SUCLG2: variants seen among roughly 807,000 people sequenced by gnomAD.
The protein encoded by SUCLG2 is succinate--CoA ligase [GDP-forming] subunit beta, mitochondrial.
Under a neutral mutation model 47.9 loss-of-function variants are expected in SUCLG2, and 42 were observed. The observed-to-expected ratio is 0.88, with a 90% CI of 0.69 to 1.14. The LOEUF (loss-of-function observed/expected upper bound fraction) is 1.14. SUCLG2 is among the 50% of genes most tolerant of loss of function. The pLI is 0.00. For synonymous variants in SUCLG2, 195 were observed against 197.3 expected (o/e 0.99, Z 0.10); for missense variants, 571 against 525.9 (o/e 1.09, Z -0.84).
chr3:67,393,422 G>A (rs1387990696), intron 10 of SUCLG2, among the ~76,000 whole-genome samples: 4 of 152,208 alleles, frequency 2.6e-5, no homozygotes, highest in Non-Finnish European at 5.9e-5. Context: ...CTGATTGCTA[G>A]CACAGCAGTC....
At chr3:67,604,166 T>C (rs557584339) in intron 2 of SUCLG2, among the ~76,000 whole-genome samples, 10 of 151,980 alleles carry the variant, frequency 6.6e-5, no homozygotes, top group Non-Finnish European at 1.2e-4. Context: ...ACAAAATGTA[T>C]GCATTACCCA....
intron 2 of SUCLG2, among the ~76,000 whole-genome samples, chr3:67,587,552 G>A (rs1258808223): frequency 1.3e-5 from 2 of 152,210 alleles, no homozygotes; most frequent in Non-Finnish European, 2.9e-5. Context: ...ATGCCAGAAG[G>A]ACCCTAGGAA....
At chr3:67,593,987 G>A (rs982961765) in intron 2 of SUCLG2, among the ~76,000 whole-genome samples, 6 of 152,190 alleles carry the variant, frequency 3.9e-5, no homozygotes, top group African/African-American at 1.4e-4. Context: ...CATACTTGCA[G>A]TTGGGCTTGC....
rs181600806 is a variant in SUCLG2, at chr3:67,408,815, T to C, written c.1063-7964A>G. 286 of 1,396,010 alleles carry C rather than the reference T, an allele frequency of 2.0e-4. 1 individual carries two copies. In the East Asian group the frequency reaches 5.7e-3, roughly 28 times the overall value. 86.5% of individuals were successfully genotyped at this position (1,396,010 alleles called of 1,614,324 possible). On this transcript the variant is annotated intron_variant, in intron 9 of 10. Transcript: ENST00000307227. ...TAAATAAACTCAATGAGCTTAAACA[T>C]CACACAGCAGTAGGCAATGGTGTCA... is the stretch of plus-strand genomic sequence containing the variant.
chr3:67,594,144 A>G (rs1708241042), intron 2 of SUCLG2, among the ~76,000 whole-genome samples: 1 of 152,188 alleles, frequency 6.6e-6, no homozygotes, highest in Non-Finnish European at 1.5e-5. Flanking sequence ...ACCCACTAAT[A>G]TGCAGACACT....
Position 67,568,031 on chromosome 3 carries a change from G to GA in SUCLG2, c.227-38846dup, listed in dbSNP as rs138745124. On this transcript the variant is annotated intron_variant, in intron 2 of 10. Coordinates refer to ENST00000307227, the MANE Select transcript of SUCLG2 (RefSeq NM_003848.4). Reference sequence around the variant, plus strand: ...CAAATTAAATTCCACCAAAATGTAAGAACAAGGGCATCGTGGTGACCAGTC... The same window carrying GA: ...CAAATTAAATTCCACCAAAATGTAAGAAACAAGGGCATCGTGGTGACCAGTC... Among the ~76,000 whole-genome samples, 226 of 152,310 alleles carry GA rather than the reference G, an allele frequency of 1.5e-3. 2 individuals are homozygous for GA. The highest frequency in any genetic ancestry group is 5.1e-3 in the African/African-American group (211 of 41,566).
At chr3:67,500,753 A>C (rs897361864) in intron 7 of SUCLG2, among the ~76,000 whole-genome samples, 1 of 152,210 alleles carries the variant, frequency 6.6e-6, no homozygotes, top group African/African-American at 2.4e-5. Flanking sequence ...TATAACTGAC[A>C]CCTTCAAAAT....
chr3:67,488,364 G>A (rs1277979514), intron 9 of SUCLG2, among the ~76,000 whole-genome samples: 1 of 152,050 alleles, frequency 6.6e-6, no homozygotes, highest in African/African-American at 2.4e-5. Context: ...GACAGTGGGT[G>A]GGGCAGCATG....
chr3:67,450,062 G>A (rs1704020160), intron 9 of SUCLG2, among the ~76,000 whole-genome samples: 1 of 151,852 alleles, frequency 6.6e-6, no homozygotes, highest in Non-Finnish European at 1.5e-5. Flanking sequence ...TTAATTTAGA[G>A]ACAGGGTCTT....
At chr3:67,377,401 C>T (rs1432064292) in intron 10 of SUCLG2, among the ~76,000 whole-genome samples, 2 of 152,188 alleles carry the variant, frequency 1.3e-5, no homozygotes, top group Non-Finnish European at 2.9e-5. Flanking sequence ...GCTGGCTTTG[C>T]ACCACAGACT....
At chr3:67,650,192 A>C (rs1239608731) in intron 1 of SUCLG2, among the ~76,000 whole-genome samples, 1 of 152,270 alleles carries the variant, frequency 6.6e-6, no homozygotes, top group African/African-American at 2.4e-5. Context: ...AGGGAGATAC[A>C]GGTAAGTCAC....
intron 2 of SUCLG2, among the ~76,000 whole-genome samples, chr3:67,578,248 CATATATAAAAAAATTTTAT>C (rs145555725): frequency 1.5e-5 from 2 of 136,542 alleles, no homozygotes; most frequent in East Asian, 4.0e-4. Context: ...TTACATATAT[CATATATAAAAAAATTTTAT>C]ATATATAAAA....
At chr3:67,541,921 T>A (rs983484408) in intron 2 of SUCLG2, among the ~76,000 whole-genome samples, 1 of 150,986 alleles carries the variant, frequency 6.6e-6, no homozygotes, top group Non-Finnish European at 1.5e-5. Flanking sequence ...CAGGCTGGAG[T>A]GCAATGGTAC....
chr3:67,506,720 G>T (rs1705647673), intron 7 of SUCLG2, among the ~76,000 whole-genome samples: 1 of 152,224 alleles, frequency 6.6e-6, no homozygotes. Context: ...CAGGCTGCTT[G>T]TGTATACTAG....
chr3:67,408,390 C>G (rs7624331), intron 9 of SUCLG2, among the ~76,000 whole-genome samples: 2,923 of 152,228 alleles, frequency 0.019, 93 homozygotes, highest in African/African-American at 0.066. Flanking sequence ...ATCTCAGAAT[C>G]AAAAGGAAAT....
intron 9 of SUCLG2, among the ~76,000 whole-genome samples, chr3:67,455,111 A>G (rs746238038): frequency 5.9e-5 from 9 of 152,186 alleles, no homozygotes; most frequent in Non-Finnish European, 1.0e-4. Flanking sequence ...CATTGCATGT[A>G]GTTCTTAGGG....
chr3:67,414,951 G>A (rs938677968), intron 9 of SUCLG2, among the ~76,000 whole-genome samples: 1 of 152,128 alleles, frequency 6.6e-6, no homozygotes, highest in African/African-American at 2.4e-5. Flanking sequence ...GACCTCTCAG[G>A]CTCAAGTGAT....
intron 2 of SUCLG2, among the ~76,000 whole-genome samples, chr3:67,599,948 C>T (rs1708381101): frequency 6.6e-6 from 1 of 152,190 alleles, no homozygotes; most frequent in South Asian, 2.1e-4. Context: ...AACTCAAGTA[C>T]AGCCTTAGTA....
Position 67,654,554 on chromosome 3 carries a change from C to T in SUCLG2, c.33G>A (p.Lys11=), listed in dbSNP as rs561430554. 1.6e-6 allele frequency: 2 copies of T among 1,271,616 alleles called. No individual in the cohort carries two copies. Among genetic ancestry groups the T allele is most frequent in the Non-Finnish European group, 2.0e-6 (2 of 1,006,216 alleles). 78.8% of individuals were successfully genotyped at this position (1,271,616 alleles called of 1,614,324 possible). ...GCCGCAGCGCTAGGGCTCGCAGAAG[C>T]TTCCCGGCCTGCGCTGCTACGGGGG... MASPVAAQAG[K]LLRALALRPR... Residue 11 remains lysine, a synonymous_variant, in exon 1 of 11, where the codon AAG becomes AAA. Coordinates refer to ENST00000307227, the MANE Select transcript of SUCLG2 (RefSeq NM_003848.4).
Sources: allele counts gnomAD v4.1 joint callset (sites outside exome capture counted in the v4.1 genomes callset), GRCh38; gene constraint gnomAD v4.1.1; transcripts MANE v1.5; gene names NCBI Gene and HGNC (gene_info 2026-07-23, HGNC 2026-07-21).